Variants in ZNF462 observed in about 807,000 individuals in gnomAD.
ZNF462 encodes zinc finger PBX1-interacting protein.
ZNF462 carries 10 observed loss-of-function variants against 201.9 expected under a neutral mutation model. The ratio of observed to expected loss-of-function variants is 0.05; its 90% CI spans 0.03 to 0.08. The LOEUF is 0.08. Ranked by LOEUF, ZNF462 falls within the 10% of genes least tolerant of loss-of-function variation. The pLI is 1.00. For missense variants in ZNF462, 2,523 were observed against 3,168.3 expected (o/e 0.80, Z 4.89); for synonymous variants, 1,227 against 1,193.3 (o/e 1.03, Z -0.58).
At chr9:106,989,201 A>G (rs188279006) in intron 10 of ZNF462, among the ~76,000 whole-genome samples, 6 of 152,228 alleles carry the variant, frequency 3.9e-5, no homozygotes, top group African/African-American at 1.2e-4. Context: ...TATTACATTA[A>G]GGTATGTCCT....
In ZNF462 at chr9:106,863,230, C is replaced by T; in HGVS notation, c.-156C>T. ...CTCCATTGCTGAGACCCGGCAGAAG[C>T]ACATGAGACTCCCAAACAACTTCCA... On this transcript the variant is annotated 5_prime_UTR_variant, in exon 1 of 13. Coordinates refer to ENST00000277225, the MANE Select transcript of ZNF462 (RefSeq NM_021224.6). The T allele has an allele frequency of 2.5e-6, 1 of 399,258 alleles. No homozygotes were observed. The highest frequency in any genetic ancestry group is 4.4e-6 in the Non-Finnish European group (1 of 226,322). 24.7% of individuals were successfully genotyped at this position (399,258 alleles called of 1,614,324 possible). A position where few individuals can be genotyped will look rare whatever the true frequency, so the allele number is the denominator to read the frequency against.
In ZNF462 at chr9:107,009,620, C is replaced by T. The variant is rs781420456; in HGVS notation, c.7265C>T (p.Ala2422Val). 6.8e-6 allele frequency: 11 copies of T among 1,612,498 alleles called. No individual in the cohort carries two copies. The highest frequency in any genetic ancestry group is 5.0e-5 in the Admixed American group (3 of 59,932). The change falls in exon 12 of 13, where the codon GCG becomes GTG. Residue 2422 changes from alanine (A) to valine (V), a missense_variant. Transcript: ENST00000277225. The surrounding 1 kb of genome is among the most constrained non-coding windows in gnomAD (Gnocchi z 6.1). ...KRFPCEFCGR[A>V]FSQGSEWERH... The stretch of plus-strand genomic sequence containing the variant: ...TTTCCATGTGAATTTTGTGGACGGG[C>T]GTTTTCACAGGGCTCTGAGTGGGAA...
rs1830713263 is a variant in ZNF462, at chr9:106,938,234, C to T, written c.6236-682C>T. ...TTTATTGAAGAATATTGGAGATAAA[C>T]ACACACACTGTACCCCCTAAACCCC... is the stretch of plus-strand genomic sequence containing the variant. On this transcript the variant is annotated intron_variant, in intron 6 of 12. Transcript: ENST00000277225. The surrounding 1 kb of genome is among the most constrained non-coding windows in gnomAD (Gnocchi z 4.4). 6.6e-6 allele frequency among the ~76,000 whole-genome samples: 1 copy of T among 152,128 alleles called. No individual in the cohort carries two copies. Among genetic ancestry groups the T allele is most frequent in the Non-Finnish European group, 1.5e-5 (1 of 68,016 alleles).
In ZNF462 at chr9:106,981,673, T is replaced by C. The variant is rs1043350415; in HGVS notation, c.6833-2513T>C. ...GACTATTCATGACTTTGTGTAAAAT[T>C]CACTTAGACACACATAGTGAAATTG... On this transcript the variant is annotated intron_variant, in intron 9 of 12. Coordinates refer to ENST00000277225, the MANE Select transcript of ZNF462 (RefSeq NM_021224.6). This position sits in a 1 kb window ranked among gnomAD's most constrained non-coding sequence, Gnocchi z 4.0. 6.6e-6 allele frequency among the ~76,000 whole-genome samples: 1 copy of C among 152,144 alleles called. No individual in the cohort carries two copies. Among genetic ancestry groups the C allele is most frequent in the African/African-American group, 2.4e-5 (1 of 41,422 alleles).
At chr9:106,873,738 A>G (rs1827703404) in intron 1 of ZNF462, among the ~76,000 whole-genome samples, 1 of 152,182 alleles carries the variant, frequency 6.6e-6, no homozygotes, top group East Asian at 1.9e-4. Context: ...AAGTTCATGG[A>G]TGAGCACAAA....
intron 1 of ZNF462, among the ~76,000 whole-genome samples, chr9:106,921,804 A>G (rs1372549007): frequency 1.3e-5 from 2 of 152,238 alleles, no homozygotes; most frequent in Non-Finnish European, 2.9e-5. Context: ...CAGAGCTGAT[A>G]GCAACCTCTT....
Position 107,005,558 on chromosome 9 carries a change from A to T in ZNF462, c.7189+2132A>T, listed in dbSNP as rs1829486767. 6.6e-6 allele frequency among the ~76,000 whole-genome samples: 1 copy of T among 151,974 alleles called. No individual in the cohort carries two copies. Among genetic ancestry groups the T allele is most frequent in the Admixed American group, 6.6e-5 (1 of 15,258 alleles). ...AGATGATTTTCTGTTGAGTTGCTTG[A>T]TTTTCTAATACAGCATGGGTATTAA... On this transcript the variant is annotated intron_variant, in intron 11 of 12. Coordinates refer to ENST00000277225, the MANE Select transcript of ZNF462 (RefSeq NM_021224.6). This position sits in a 1 kb window ranked among gnomAD's most constrained non-coding sequence, Gnocchi z 4.4.
chr9:106,930,404 T>TC lies in ZNF462; in HGVS notation c.5848-118dup. On this transcript the variant is annotated intron_variant, in intron 3 of 12. Transcript: ENST00000277225. This position sits in a 1 kb window ranked among gnomAD's most constrained non-coding sequence, Gnocchi z 5.8. ...TTATATAAAAATACTCGCCTATATC[T>TC]CCCTTGGTTTTTAACCTGCTAATCG... 7.8e-7 allele frequency: 1 copy of TC among 1,279,022 alleles called. No homozygotes were observed. The highest frequency in any genetic ancestry group is 2.0e-4 in the Middle Eastern group (1 of 5,034). 79.2% of individuals were successfully genotyped at this position (1,279,022 alleles called of 1,614,324 possible).
rs569707332 is a variant in ZNF462 at position 107,010,501 on chromosome 9, T to G, written c.7314-322T>G. Among the ~76,000 whole-genome samples, 1 of 152,312 alleles carries G rather than the reference T, an allele frequency of 6.6e-6. No homozygotes were observed. Among genetic ancestry groups the G allele is most frequent in the Non-Finnish European group, 1.5e-5 (1 of 68,040 alleles). On this transcript the variant is annotated intron_variant, in intron 12 of 12. Transcript: ENST00000277225. This position sits in a 1 kb window ranked among gnomAD's most constrained non-coding sequence, Gnocchi z 4.6. Reference sequence around the variant, plus strand: ...ATAAGACAATTCTTGCTGTTACCACTTATGACCCAGTAGAGAAAGTGACAT... The same window carrying G: ...ATAAGACAATTCTTGCTGTTACCACGTATGACCCAGTAGAGAAAGTGACAT...
At chr9:106,861,105 C>T (rs995629831), upstream of ZNF462, among the ~76,000 whole-genome samples, 4 of 152,008 alleles carry the variant, frequency 2.6e-5, no homozygotes, top group African/African-American at 7.3e-5. Flanking sequence ...TTATTTATCA[C>T]CCCCGCCATC....
chr9:107,004,740 C>T lies in ZNF462; in HGVS notation c.7189+1314C>T, dbSNP rs568715412. Among the ~76,000 whole-genome samples, 4 of 152,210 alleles carry T rather than the reference C, an allele frequency of 2.6e-5. No homozygotes were observed. In the South Asian group the frequency reaches 6.2e-4, roughly 24 times the overall value. The stretch of plus-strand genomic sequence containing the variant: ...TTTTTATGGTGAGAACACTTAAAAT[C>T]TACTCTCTTAGCAATTGTCAGGTAT... On this transcript the variant is annotated intron_variant, in intron 11 of 12. Coordinates refer to ENST00000277225, the MANE Select transcript of ZNF462 (RefSeq NM_021224.6).
chr9:106,949,812 T>G (rs760708619), intron 7 of ZNF462, among the ~76,000 whole-genome samples: 1 of 152,212 alleles, frequency 6.6e-6, no homozygotes, highest in Non-Finnish European at 1.5e-5. Flanking sequence ...TACAATAGAC[T>G]AGACTCAATG....
rs1232680005 is a variant in ZNF462, at chr9:107,008,352, GC to G, written c.7190-1189del. Among the ~76,000 whole-genome samples the G allele has an allele frequency of 1.3e-5, 2 of 152,068 alleles. No homozygotes were observed. Among genetic ancestry groups the G allele is most frequent in the Admixed American group, 6.6e-5 (1 of 15,262 alleles). ...AATGTTTCATCTTTTGTTAAATCTG[GC>G]CCCAGTCACATAGCTGTTTGTGCTG... On this transcript the variant is annotated intron_variant, in intron 11 of 12. Transcript: ENST00000277225. This position sits in a 1 kb window ranked among gnomAD's most constrained non-coding sequence, Gnocchi z 4.8.
At chr9:106,863,460 G>A (rs1827144719) in intron 1 of ZNF462, 105 bp downstream of exon 1, 1 of 369,286 alleles carries the variant, frequency 2.7e-6, no homozygotes, top group Non-Finnish European at 4.8e-6. Context: ...CGGCCAAGGA[G>A]GGTTGGAGGA....
intron 1 of ZNF462, among the ~76,000 whole-genome samples, chr9:106,911,389 C>T (rs1177602080): frequency 6.6e-6 from 1 of 152,156 alleles, no homozygotes; most frequent in African/African-American, 2.4e-5. Flanking sequence ...ACTGTTCTAG[C>T]TGGTGGTCTC....
chr9:106,900,607 T>C (rs12378511), intron 1 of ZNF462, among the ~76,000 whole-genome samples: 24,127 of 152,164 alleles, frequency 0.16, 2,070 homozygotes, highest in South Asian at 0.27. Flanking sequence ...TGGCATTGCA[T>C]TGTGGTTTTA....
In ZNF462 at chr9:106,984,710, A is replaced by G. The variant is rs1040008358; in HGVS notation, c.7056+301A>G. ...TGTTTTACGTAATTGTGATTATACT[A>G]TACATAAAACATGATACCTTACATT... On this transcript the variant is annotated intron_variant, in intron 10 of 12. Transcript: ENST00000277225. This position sits in a 1 kb window ranked among gnomAD's most constrained non-coding sequence, Gnocchi z 6.4. Among the ~76,000 whole-genome samples, 3 of 152,194 alleles carry G rather than the reference A, an allele frequency of 2.0e-5. No individual in the cohort carries two copies. The highest frequency in any genetic ancestry group is 7.2e-5 in the African/African-American group (3 of 41,452).
At chr9:106,983,279 CCT>C (rs1316229771) in intron 9 of ZNF462, among the ~76,000 whole-genome samples, 1 of 152,230 alleles carries the variant, frequency 6.6e-6, no homozygotes, top group Admixed American at 6.5e-5. Context: ...GCACCCAAAT[CCT>C]CTCTCTCTTT....
At position 106,865,926 on chromosome 9, in the gene ZNF462, C is replaced by G. The variant is rs957206212; in HGVS notation, c.-31+2571C>G. Among the ~76,000 whole-genome samples, 2 of 152,102 alleles carry G rather than the reference C, an allele frequency of 1.3e-5. No homozygotes were observed. The highest frequency in any genetic ancestry group is 4.8e-5 in the African/African-American group (2 of 41,410). ...TTGACCCAAGCAAAGAACTAAATCC[C>G]GAAATGCTTCAGGAATTTTTAAAAG... On this transcript the variant is annotated intron_variant, in intron 1 of 12. Coordinates refer to ENST00000277225, the MANE Select transcript of ZNF462 (RefSeq NM_021224.6). The surrounding 1 kb of genome is among the most constrained non-coding windows in gnomAD (Gnocchi z 4.1).
Sources: allele counts gnomAD v4.1 joint callset (sites outside exome capture counted in the v4.1 genomes callset), GRCh38; gene constraint gnomAD v4.1.1; non-coding constraint Gnocchi (gnomAD v3.1); transcripts MANE v1.5; gene names NCBI Gene and HGNC (gene_info 2026-07-23, HGNC 2026-07-21).